The following ARHGAP10 variants were observed in gnomAD, a reference collection of about 807,000 sequenced individuals.
The protein encoded by ARHGAP10 is rho GTPase-activating protein 10.
In ARHGAP10, 87 loss-of-function variants were observed where a neutral mutation model predicts 108.6. That is an observed-to-expected ratio of 0.80 (90% CI 0.67 to 0.96). The LOEUF (loss-of-function observed/expected upper bound fraction) is 0.96. ARHGAP10 is among the 40% of genes least tolerant of loss of function. The probability of loss-of-function intolerance (pLI) is 0.00; values close to 1 mark genes in which losing one functional copy is unlikely to be tolerated. For missense variants in ARHGAP10, 939 were observed against 954.5 expected, an observed-to-expected ratio of 0.98 and a Z score of 0.21; for synonymous variants, 347 against 341.1, an observed-to-expected ratio of 1.02 and a Z score of -0.19.
intron 7 of ARHGAP10, among the ~76,000 whole-genome samples, chr4:147,867,468 G>A (rs1734612450): frequency 6.6e-6 from 1 of 152,166 alleles, no homozygotes; most frequent in African/African-American, 2.4e-5. Flanking sequence ...TAGGAATGTA[G>A]TGAGATAGCT....
At chr4:147,777,208 A>G (rs1730331449) in intron 1 of ARHGAP10, among the ~76,000 whole-genome samples, 1 of 151,654 alleles carries the variant, frequency 6.6e-6, no homozygotes, top group Admixed American at 6.6e-5. Flanking sequence ...GTCTTTGCTA[A>G]TTGAACTAGA....
At chr4:147,860,214 G>A (rs1459376071) in intron 5 of ARHGAP10, among the ~76,000 whole-genome samples, 1 of 152,192 alleles carries the variant, frequency 6.6e-6, no homozygotes, top group East Asian at 1.9e-4. Context: ...AGGCCGAGGC[G>A]GGTGGATCAC....
intron 18 of ARHGAP10, among the ~76,000 whole-genome samples, chr4:148,007,412 A>T (rs1225436588): frequency 6.6e-6 from 1 of 152,172 alleles, no homozygotes. Context: ...TCAGGGATGG[A>T]GGAAGAAGAG....
In ARHGAP10 at chr4:148,028,610, T is replaced by C. The variant is rs570422615; in HGVS notation, c.1867+5197T>C. ...GAAAGGTGCTTTAGGTTTAAAATGA[T>C]AAGAGGAACCACTGAATATTTTTCA... is the stretch of plus-strand genomic sequence containing the variant. On this transcript the variant is annotated intron_variant, in intron 19 of 22. Transcript: ENST00000336498. 2.6e-5 allele frequency among the ~76,000 whole-genome samples: 4 copies of C among 152,312 alleles called. No individual in the cohort carries two copies. The South Asian group carries it at 6.2e-4, about 24-fold the overall frequency.
At chr4:147,863,855 C>T (rs1734429921) in intron 5 of ARHGAP10, 1 of 152,100 alleles carries the variant, frequency 6.6e-6, no homozygotes, top group African/African-American at 2.4e-5. Context: ...TCTTGCATTC[C>T]CACTAATGAT....
intron 7 of ARHGAP10, among the ~76,000 whole-genome samples, chr4:147,873,944 C>T (rs1295431594): frequency 6.6e-6 from 1 of 151,362 alleles, no homozygotes; most frequent in African/African-American, 2.4e-5. Context: ...TAGCCGTCAA[C>T]AACTGAGTTC....
intron 1 of ARHGAP10, among the ~76,000 whole-genome samples, chr4:147,736,271 T>C (rs909247556): frequency 1.4e-4 from 22 of 152,186 alleles, no homozygotes; most frequent in African/African-American, 4.6e-4. Context: ...CGACTTGGTT[T>C]TGGTACTTCT....
intron 18 of ARHGAP10, among the ~76,000 whole-genome samples, chr4:147,977,854 CT>C (rs1368367189): frequency 6.6e-6 from 1 of 151,774 alleles, no homozygotes; most frequent in Non-Finnish European, 1.5e-5. Flanking sequence ...TTACTTTCAT[CT>C]TTATATCTGT....
At chr4:148,014,449 C>T (rs577456828) in intron 18 of ARHGAP10, among the ~76,000 whole-genome samples, 5 of 152,276 alleles carry the variant, frequency 3.3e-5, no homozygotes, top group South Asian at 2.1e-4. Context: ...ATGTTCACAC[C>T]GTGAACATAA....
At chr4:147,822,498 C>A (rs1012766809) in intron 1 of ARHGAP10, among the ~76,000 whole-genome samples, 4 of 152,128 alleles carry the variant, frequency 2.6e-5, no homozygotes, top group Non-Finnish European at 5.9e-5. Flanking sequence ...AGGGAATAAA[C>A]ATTTTTTCAG....
chr4:147,852,582 C>G (rs1348243389), intron 4 of ARHGAP10, among the ~76,000 whole-genome samples: 1 of 151,736 alleles, frequency 6.6e-6, no homozygotes, highest in Non-Finnish European at 1.5e-5. Flanking sequence ...TTAACATTAT[C>G]AGTAGGTTCT....
intron 1 of ARHGAP10, among the ~76,000 whole-genome samples, chr4:147,774,853 G>T (rs1730223059): frequency 1.3e-5 from 2 of 151,344 alleles, no homozygotes; most frequent in South Asian, 4.2e-4. Flanking sequence ...AGAAACACTT[G>T]TTTTGCTGTC....
chr4:147,893,565 A>G (rs1487206232), intron 10 of ARHGAP10, among the ~76,000 whole-genome samples: 1 of 147,826 alleles, frequency 6.8e-6, no homozygotes, highest in South Asian at 2.1e-4. Context: ...CACATATTTC[A>G]TATGTATTTC....
chr4:147,860,076 G>GT (rs1448674617), intron 5 of ARHGAP10, among the ~76,000 whole-genome samples: 1 of 152,216 alleles, frequency 6.6e-6, no homozygotes, highest in African/African-American at 2.4e-5. Context: ...ATTCATAAGA[G>GT]TTGCAGAGAA....
At chr4:147,835,613 A>G (rs571160317) in intron 3 of ARHGAP10, among the ~76,000 whole-genome samples, 78 of 152,276 alleles carry the variant, frequency 5.1e-4, no homozygotes, top group African/African-American at 1.7e-3. Context: ...ACCTCAGGTG[A>G]TCTGCCCGCC....
At chr4:147,776,164 A>G (rs1730280093) in intron 1 of ARHGAP10, among the ~76,000 whole-genome samples, 1 of 152,120 alleles carries the variant, frequency 6.6e-6, no homozygotes, top group African/African-American at 2.4e-5. Context: ...TAGACCTGCT[A>G]GTGGCAACAG....
chr4:148,049,104 G>C (rs1256147818), intron 20 of ARHGAP10, among the ~76,000 whole-genome samples: 1 of 151,990 alleles, frequency 6.6e-6, no homozygotes, highest in African/African-American at 2.4e-5. Context: ...TTACTGATGA[G>C]TGTGTATCAG....
chr4:147,907,936 G>A (rs1041532263), intron 11 of ARHGAP10, among the ~76,000 whole-genome samples: 2 of 152,092 alleles, frequency 1.3e-5, no homozygotes, highest in African/African-American at 4.8e-5. Flanking sequence ...TCTGCCTCCT[G>A]GGTTTAAGTG....
chr4:147,963,144 A>C (rs1410153608), intron 16 of ARHGAP10, among the ~76,000 whole-genome samples: 1 of 152,198 alleles, frequency 6.6e-6, no homozygotes, highest in Non-Finnish European at 1.5e-5. Context: ...ACAGTGAGAC[A>C]ACTTCTTCAA....
Sources: allele counts gnomAD v4.1 joint callset (sites outside exome capture counted in the v4.1 genomes callset), GRCh38; gene constraint gnomAD v4.1.1; transcripts MANE v1.5; gene names NCBI Gene and HGNC (gene_info 2026-07-23, HGNC 2026-07-21).